The following SIPA1L1 variants were observed in gnomAD, a reference collection of about 807,000 sequenced individuals.
The protein encoded by SIPA1L1 is signal induced proliferation associated 1 like 1.
Under a neutral mutation model 162.7 loss-of-function variants are expected in SIPA1L1, and 26 were observed. The observed-to-expected ratio is 0.16, with a 90% CI of 0.12 to 0.22. The LOEUF (loss-of-function observed/expected upper bound fraction) is 0.22. Ranked by LOEUF, SIPA1L1 falls within the 10% of genes least tolerant of loss-of-function variation. The pLI, the probability that SIPA1L1 is intolerant of heterozygous loss-of-function variation, is 1.00. For missense variants in SIPA1L1, 1,874 were observed against 2,241.0 expected (o/e 0.84, Z 3.31); for synonymous variants, 829 against 837.4 (o/e 0.99, Z 0.17).
chr14:71,515,690 G>A (rs1284637318), intron 3 of SIPA1L1, among the ~76,000 whole-genome samples: 1 of 151,636 alleles, frequency 6.6e-6, no homozygotes, highest in African/African-American at 2.4e-5. Flanking sequence ...TGTCTCCCAC[G>A]CTCTACTGCA....
intron 22 of SIPA1L1, among the ~76,000 whole-genome samples, chr14:71,737,124 A>C (rs2085367007): frequency 3.3e-5 from 5 of 152,098 alleles, no homozygotes; most frequent in Admixed American, 3.3e-4. Context: ...TAGAGATTGG[A>C]GGTCATGGTC....
At chr14:71,563,690 A>G (rs750683409) in intron 4 of SIPA1L1, among the ~76,000 whole-genome samples, 12 of 152,202 alleles carry the variant, frequency 7.9e-5, no homozygotes, top group Admixed American at 1.3e-4. Context: ...CCTTTCTGCT[A>G]TAGCACACAC....
At chr14:71,499,952 G>A (rs540465753) in intron 2 of SIPA1L1, among the ~76,000 whole-genome samples, 6 of 152,044 alleles carry the variant, frequency 3.9e-5, no homozygotes, top group Non-Finnish European at 8.8e-5. Flanking sequence ...AAGCCCTAAG[G>A]TTCTTTTTTA....
chr14:71,492,087 A>G (rs957228188), intron 2 of SIPA1L1, among the ~76,000 whole-genome samples: 3 of 152,122 alleles, frequency 2.0e-5, no homozygotes, highest in Non-Finnish European at 4.4e-5. Context: ...GTCCTTGACA[A>G]CAAGGTCTTT....
At chr14:71,491,730 G>C (rs1274928976) in intron 2 of SIPA1L1, among the ~76,000 whole-genome samples, 7 of 146,198 alleles carry the variant, frequency 4.8e-5, no homozygotes, top group African/African-American at 1.8e-4. Context: ...ACAGGCGTGA[G>C]CCACCGTTTC....
At chr14:71,502,179 C>T (rs564023219) in intron 2 of SIPA1L1, among the ~76,000 whole-genome samples, 21 of 139,682 alleles carry the variant, frequency 1.5e-4, no homozygotes, top group Admixed American at 1.4e-3. Flanking sequence ...ATTTTACCTT[C>T]ATGGACTGAT....
In SIPA1L1 at chr14:71,681,044, G is replaced by A. The variant is rs115192490; in HGVS notation, c.3105-4318G>A. 2.6e-3 allele frequency among the ~76,000 whole-genome samples: 389 copies of A among 152,262 alleles called. 3 individuals carry two copies. Among genetic ancestry groups the A allele is most frequent in the African/African-American group, 8.9e-3 (370 of 41,536 alleles). The stretch of plus-strand genomic sequence containing the variant: ...ATGCTATTCCCTTCCCAGCACTTCC[G>A]TATCAGCAGCTTCATTTTTATTAAA... On this transcript the variant is annotated intron_variant, in intron 12 of 23. Transcript: ENST00000381232.
intron 2 of SIPA1L1, among the ~76,000 whole-genome samples, chr14:71,501,717 G>A (rs886741293): frequency 2.6e-5 from 4 of 152,040 alleles, no homozygotes; most frequent in Non-Finnish European, 5.9e-5. Flanking sequence ...TTTTATAAAA[G>A]CTTCATTAAA....
At chr14:71,604,512 C>A (rs566291855) in intron 5 of SIPA1L1, among the ~76,000 whole-genome samples, 5 of 152,202 alleles carry the variant, frequency 3.3e-5, no homozygotes, top group African/African-American at 1.2e-4. Context: ...ATCATTCTTT[C>A]ACTTCCAGGG....
intron 5 of SIPA1L1, among the ~76,000 whole-genome samples, chr14:71,593,816 G>A (rs1431576637): frequency 6.6e-6 from 1 of 152,144 alleles, no homozygotes; most frequent in East Asian, 1.9e-4. Flanking sequence ...CTGATCAACA[G>A]TGTTGATAGG....
intron 12 of SIPA1L1, among the ~76,000 whole-genome samples, chr14:71,682,928 T>C (rs769684563): frequency 5.9e-5 from 9 of 152,174 alleles, no homozygotes; most frequent in Non-Finnish European, 1.3e-4. Flanking sequence ...CCGAGGCAGG[T>C]ACATCACTTG....
At chr14:71,605,061 C>T (rs2037325610) in intron 5 of SIPA1L1, among the ~76,000 whole-genome samples, 1 of 152,132 alleles carries the variant, frequency 6.6e-6, no homozygotes, top group South Asian at 2.1e-4. Flanking sequence ...GTCACATAAG[C>T]TTTGCATTTT....
chr14:71,494,309 C>T (rs1439888173), intron 2 of SIPA1L1, among the ~76,000 whole-genome samples: 1 of 151,714 alleles, frequency 6.6e-6, no homozygotes, highest in African/African-American at 2.4e-5. Flanking sequence ...TTTTCTTTTT[C>T]TTTTTAAATC....
chr14:71,475,697 G>C (rs1215308188), intron 2 of SIPA1L1, among the ~76,000 whole-genome samples: 1 of 152,168 alleles, frequency 6.6e-6, no homozygotes, highest in African/African-American at 2.4e-5. Flanking sequence ...CACATTTGTG[G>C]TTATTTTATG....
intron 2 of SIPA1L1, among the ~76,000 whole-genome samples, chr14:71,370,376 T>C (rs1188111803): frequency 6.6e-6 from 1 of 151,994 alleles, no homozygotes; most frequent in Non-Finnish European, 1.5e-5. Flanking sequence ...GCATGAAGGG[T>C]TGTTGAATTT....
intron 4 of SIPA1L1, among the ~76,000 whole-genome samples, chr14:71,565,153 TGTTTTTC>T: frequency 6.6e-6 from 1 of 152,348 alleles, no homozygotes; most frequent in East Asian, 1.9e-4. Flanking sequence ...CCTAGTGTCT[TGTTTTTC>T]ATGTTTATCC....
At chr14:71,561,452 C>T (rs529517809) in intron 4 of SIPA1L1, among the ~76,000 whole-genome samples, 22 of 152,278 alleles carry the variant, frequency 1.4e-4, no homozygotes, top group African/African-American at 5.1e-4. Context: ...ATTCGCAGTG[C>T]CCACCAGCAA....
intron 17 of SIPA1L1, 108 bp downstream of exon 17, chr14:71,709,772 C>A: frequency 1.2e-6 from 1 of 848,298 alleles, no homozygotes; most frequent in Non-Finnish European, 1.8e-6. Context: ...GGAGGTTTTT[C>A]TGCAGTGACA....
chr14:71,676,513 A>C (rs1371928783), intron 12 of SIPA1L1, among the ~76,000 whole-genome samples: 1 of 147,490 alleles, frequency 6.8e-6, no homozygotes, highest in African/African-American at 2.5e-5. Context: ...TCTAGGATAC[A>C]TGTGTGCAAC....
Sources: allele counts gnomAD v4.1 joint callset (sites outside exome capture counted in the v4.1 genomes callset), GRCh38; gene constraint gnomAD v4.1.1; transcripts MANE v1.5; gene names NCBI Gene and HGNC (gene_info 2026-07-23, HGNC 2026-07-21).